SCMH1: variants seen among roughly 807,000 people sequenced by gnomAD.
SCMH1 encodes polycomb protein SCMH1.
Under a neutral mutation model 70.8 loss-of-function variants are expected in SCMH1, and 37 were observed. That is an observed-to-expected ratio of 0.52 (90% confidence interval 0.40 to 0.69). The LOEUF is 0.69. SCMH1 is among the 30% of genes least tolerant of loss of function. SCMH1 has a pLI of 0.00. For synonymous variants in SCMH1, 292 were observed against 307.4 expected (o/e 0.95, Z 0.52); for missense variants, 607 against 827.3 (o/e 0.73, Z 3.27).
chr1:41,052,825 A>T (rs1648702178), intron 10 of SCMH1, among the ~76,000 whole-genome samples: 1 of 152,018 alleles, frequency 6.6e-6, no homozygotes, highest in Non-Finnish European at 1.5e-5. Context: ...AACTGTAAGG[A>T]GGCATAAGGG....
chr1:41,225,733 G>A (rs1199232517), intron 1 of SCMH1, among the ~76,000 whole-genome samples: 1 of 152,148 alleles, frequency 6.6e-6, no homozygotes, highest in Non-Finnish European at 1.5e-5. Context: ...TTGTATGATG[G>A]CCTATAGAAA....
chr1:41,031,454 C>T (rs930568625), intron 13 of SCMH1, among the ~76,000 whole-genome samples: 13 of 152,172 alleles, frequency 8.5e-5, no homozygotes, highest in Non-Finnish European at 1.9e-4. Context: ...TCAAAGTACA[C>T]TTTGTCTGGC....
intron 13 of SCMH1, among the ~76,000 whole-genome samples, 191 bp downstream of exon 13, chr1:41,037,171 T>C (rs1240232606): frequency 6.6e-6 from 1 of 152,206 alleles, no homozygotes; most frequent in Non-Finnish European, 1.5e-5. Context: ...GTTTCTGTTA[T>C]GCTCAAGCCA....
At chr1:41,221,893 C>CAAAA (rs34257855) in intron 1 of SCMH1, among the ~76,000 whole-genome samples, 17 of 45,056 alleles carry the variant, frequency 3.8e-4, no homozygotes, top group Non-Finnish European at 5.0e-4. Context: ...GACTCCGTCT[C>CAAAA]AAAAAAAAAA....
chr1:41,041,994 C>T (rs549236333), intron 12 of SCMH1, among the ~76,000 whole-genome samples: 53 of 152,246 alleles, frequency 3.5e-4, no homozygotes, highest in African/African-American at 1.1e-3. Context: ...CCACTGCACC[C>T]GGCCGGGCCT....
chr1:41,091,545 C>T (rs1278609129), intron 8 of SCMH1, among the ~76,000 whole-genome samples: 1 of 152,076 alleles, frequency 6.6e-6, no homozygotes, highest in South Asian at 2.1e-4. Flanking sequence ...GGCAATCAGG[C>T]AAGAGAAAGA....
chr1:41,035,954 T>C (rs1333216078), intron 13 of SCMH1, among the ~76,000 whole-genome samples: 1 of 152,206 alleles, frequency 6.6e-6, no homozygotes, highest in Non-Finnish European at 1.5e-5. Flanking sequence ...TGCTGTGCTC[T>C]CCTTCAAATA....
intron 7 of SCMH1, 27 bp downstream of exon 7, chr1:41,116,895 G>A (rs757237862): frequency 6.4e-7 from 1 of 1,572,720 alleles, no homozygotes; most frequent in Non-Finnish European, 8.7e-7. Flanking sequence ...GCAGCCTGGA[G>A]CTGGTGATAT....
intron 4 of SCMH1, 71 bp from the exon 5 acceptor site, chr1:41,151,755 C>G: frequency 9.8e-7 from 1 of 1,022,894 alleles, no homozygotes; most frequent in Non-Finnish European, 1.5e-6. Context: ...ATAATCTACA[C>G]TAAACAGTAA....
At chr1:41,153,938 T>C (rs962724859) in intron 4 of SCMH1, among the ~76,000 whole-genome samples, 5 of 152,206 alleles carry the variant, frequency 3.3e-5, no homozygotes, top group African/African-American at 4.8e-5. Context: ...GCAAGTCTTC[T>C]GTTAAGGACA....
intron 8 of SCMH1, among the ~76,000 whole-genome samples, chr1:41,100,426 A>G (rs1666265207): frequency 1.3e-5 from 2 of 152,284 alleles, no homozygotes; most frequent in Admixed American, 1.3e-4. Flanking sequence ...TATGTCTTTA[A>G]GTTTGGTTCA....
chr1:41,240,035 C>T, intron 1 of SCMH1, among the ~76,000 whole-genome samples: 1 of 152,308 alleles, frequency 6.6e-6, no homozygotes, highest in South Asian at 2.1e-4. Flanking sequence ...GGAATCAGGG[C>T]CTTTCCTCTG....
chr1:41,229,219 C>G (rs1243463642), intron 1 of SCMH1, among the ~76,000 whole-genome samples: 1 of 151,730 alleles, frequency 6.6e-6, no homozygotes, highest in Non-Finnish European at 1.5e-5. Context: ...AAAAAAGATT[C>G]ATTAATTCAT....
chr1:41,187,321 G>A (rs1431534851), intron 1 of SCMH1, among the ~76,000 whole-genome samples: 1 of 151,744 alleles, frequency 6.6e-6, no homozygotes, highest in Non-Finnish European at 1.5e-5. Flanking sequence ...AATTAGCCAA[G>A]CATGGTGGCA....
intron 8 of SCMH1, among the ~76,000 whole-genome samples, chr1:41,092,709 A>C (rs1167435506): frequency 1.3e-5 from 2 of 152,252 alleles, no homozygotes; most frequent in Admixed American, 6.5e-5. Flanking sequence ...AAAAGTGGGC[A>C]AAGGATATGA....
At chr1:41,077,848 C>A (rs576515696) in intron 8 of SCMH1, among the ~76,000 whole-genome samples, 1 of 152,100 alleles carries the variant, frequency 6.6e-6, no homozygotes, top group East Asian at 1.9e-4. Flanking sequence ...TAATATAAAA[C>A]GTTTGGCATA....
At chr1:41,159,219 G>C (rs1453535675) in intron 4 of SCMH1, among the ~76,000 whole-genome samples, 3 of 152,094 alleles carry the variant, frequency 2.0e-5, no homozygotes, top group African/African-American at 7.2e-5. Flanking sequence ...TACATCAGAG[G>C]ATATGCCTAT....
At chr1:41,213,473 A>G (rs1461728706) in intron 1 of SCMH1, among the ~76,000 whole-genome samples, 1 of 152,170 alleles carries the variant, frequency 6.6e-6, no homozygotes, top group Non-Finnish European at 1.5e-5. Context: ...GTAGCAGGAC[A>G]TAAAACCTTC....
intron 8 of SCMH1, among the ~76,000 whole-genome samples, chr1:41,109,044 T>C (rs1668646964): frequency 6.6e-6 from 1 of 152,104 alleles, no homozygotes; most frequent in Non-Finnish European, 1.5e-5. Context: ...CAAAGGAGAA[T>C]GGGAAGAGTA....
Sources: gnomAD v4.1 joint callset for allele counts (sites outside exome capture counted in the v4.1 genomes callset) on GRCh38, gnomAD v4.1.1 for gene constraint, MANE v1.5 for transcripts, NCBI Gene and HGNC (gene_info 2026-07-23, HGNC 2026-07-21) for gene names.